SEMA5A: variants seen among roughly 807,000 people sequenced by gnomAD.
SEMA5A encodes semaphorin-5A.
In SEMA5A, 55 loss-of-function variants were observed where a neutral mutation model predicts 135.5. The ratio of observed to expected loss-of-function variants is 0.41; its 90% CI spans 0.33 to 0.51. The LOEUF (loss-of-function observed/expected upper bound fraction) is 0.51. Ranked by LOEUF, SEMA5A falls within the 20% of genes least tolerant of loss-of-function variation. The pLI, the probability that SEMA5A is intolerant of heterozygous loss-of-function variation, is 0.37. For missense variants in SEMA5A, 1,290 were observed against 1,419.9 expected (o/e 0.91, Z 1.47); for synonymous variants, 580 against 546.5 (o/e 1.06, Z -0.85).
intron 2 of SEMA5A, among the ~76,000 whole-genome samples, chr5:9,385,845 A>C (rs1460860990): frequency 7.7e-6 from 1 of 129,996 alleles, no homozygotes; most frequent in East Asian, 2.2e-4. Context: ...TCTGTTGCCC[A>C]AGCTGGAGTG....
At chr5:9,255,432 C>T (rs950299789) in intron 5 of SEMA5A, among the ~76,000 whole-genome samples, 1 of 152,180 alleles carries the variant, frequency 6.6e-6, no homozygotes, top group Admixed American at 6.5e-5. Context: ...ACAATGTGCC[C>T]TAACACAAAG....
In SEMA5A at chr5:9,066,475, T is replaced by G. The variant is rs141601855; in HGVS notation, c.2245A>C (p.Arg749=). ...CTAGAACAGTACCGCATTTCGATTC[T>G]CTGTCTTCCCACTTCCAGCAAATTC... ...DPNLLEVGRQ[R]IEMRYCSSDG... is the part of the protein sequence containing the mutation. Residue 749 remains arginine (R), a synonymous_variant, in exon 17 of 23, where the codon AGA becomes CGA. Coordinates refer to ENST00000382496, the MANE Select transcript of SEMA5A (RefSeq NM_003966.3). 199 of 1,614,092 alleles carry G rather than the reference T, an allele frequency of 1.2e-4. No individual in the cohort carries two copies. The highest frequency in any genetic ancestry group is 2.9e-5 in the Non-Finnish European group (34 of 1,180,042).
intron 5 of SEMA5A, among the ~76,000 whole-genome samples, chr5:9,288,886 AG>A (rs1277808965): frequency 1.3e-5 from 2 of 152,238 alleles, no homozygotes; most frequent in African/African-American, 4.8e-5. Context: ...CACAAAAAAA[AG>A]GAAAGCATTT....
rs1312950378 is a variant in SEMA5A, at chr5:9,257,646, T to C, written c.271-19756A>G. ...CCTGACAGATGAGGTCAGTGAATAATGTTTAAAATAGATGACGTCCCCTTA... is the reference window on the plus strand; with the variant it reads ...CCTGACAGATGAGGTCAGTGAATAACGTTTAAAATAGATGACGTCCCCTTA... On this transcript the variant is annotated intron_variant, in intron 5 of 22. Transcript: ENST00000382496. Among the ~76,000 whole-genome samples the C allele has an allele frequency of 2.6e-5, 4 of 152,136 alleles. No individual in the cohort carries two copies. In the East Asian group the frequency reaches 5.8e-4, roughly 22 times the overall value.
intron 5 of SEMA5A, among the ~76,000 whole-genome samples, chr5:9,267,033 T>A (rs1749715607): frequency 6.6e-6 from 1 of 152,198 alleles, no homozygotes; most frequent in Non-Finnish European, 1.5e-5. Flanking sequence ...AGACGTGATA[T>A]ACCTTACAGA....
At chr5:9,110,350 G>A (rs1306555244) in intron 15 of SEMA5A, among the ~76,000 whole-genome samples, 1 of 152,204 alleles carries the variant, frequency 6.6e-6, no homozygotes, top group African/African-American at 2.4e-5. Flanking sequence ...TCATATTTCA[G>A]TATGGGGTCT....
At chr5:9,108,406 G>A (rs1249951345) in intron 15 of SEMA5A, 119 bp from the exon 16 acceptor site, 1 of 1,181,060 alleles carries the variant, frequency 8.5e-7, no homozygotes, top group Non-Finnish European at 1.2e-6. Context: ...GCGTGGAGGA[G>A]CTTTTTGTAT....
At chr5:9,265,287 A>C in intron 5 of SEMA5A, 2 of 363,872 alleles carry the variant, frequency 5.5e-6, no homozygotes, top group Non-Finnish European at 1.1e-5. Flanking sequence ...CTTGTGGATG[A>C]GGTGCTCTAG....
At chr5:9,213,136 T>G (rs1455232632) in intron 8 of SEMA5A, among the ~76,000 whole-genome samples, 2 of 152,184 alleles carry the variant, frequency 1.3e-5, no homozygotes, top group African/African-American at 4.8e-5. Context: ...GGACTCCACC[T>G]TTATGACCTA....
chr5:9,078,491 G>T (rs1316465941), intron 16 of SEMA5A, among the ~76,000 whole-genome samples: 1 of 151,510 alleles, frequency 6.6e-6, no homozygotes, highest in East Asian at 1.9e-4. Context: ...TTACAATAAT[G>T]CATGGGGACA....
At chr5:9,183,259 G>C (rs1313407237) in intron 11 of SEMA5A, among the ~76,000 whole-genome samples, 2 of 152,106 alleles carry the variant, frequency 1.3e-5, no homozygotes, top group African/African-American at 4.8e-5. Context: ...GCCTGCCCTT[G>C]GACAGCCGCC....
chr5:9,449,655 G>A (rs1579559937), intron 1 of SEMA5A, among the ~76,000 whole-genome samples: 1 of 151,740 alleles, frequency 6.6e-6, no homozygotes, highest in Non-Finnish European at 1.5e-5. Flanking sequence ...AATATTAACA[G>A]GGGCATATCC....
At chr5:9,404,724 G>C (rs1181908820) in intron 2 of SEMA5A, among the ~76,000 whole-genome samples, 1 of 152,162 alleles carries the variant, frequency 6.6e-6, no homozygotes, top group Admixed American at 6.5e-5. Flanking sequence ...TAAAAACTCT[G>C]ATTAGACTAA....
chr5:9,390,466 C>G (rs1160106530), intron 2 of SEMA5A, among the ~76,000 whole-genome samples: 2 of 152,142 alleles, frequency 1.3e-5, no homozygotes, highest in Non-Finnish European at 2.9e-5. Flanking sequence ...TTAAGAAATA[C>G]AAATACCTTA....
chr5:9,296,832 A>G (rs1751355784), intron 5 of SEMA5A, among the ~76,000 whole-genome samples: 1 of 151,756 alleles, frequency 6.6e-6, no homozygotes, highest in Non-Finnish European at 1.5e-5. Context: ...ACAGGCAGGA[A>G]AGGAGGGTAA....
chr5:9,381,607 G>A (rs1366890886), intron 2 of SEMA5A, among the ~76,000 whole-genome samples: 6 of 152,202 alleles, frequency 3.9e-5, no homozygotes, highest in Admixed American at 2.0e-4. Flanking sequence ...AGATGGCCAT[G>A]CTAGAGAGAA....
chr5:9,143,761 C>A (rs1560957819), intron 12 of SEMA5A, among the ~76,000 whole-genome samples: 1 of 152,174 alleles, frequency 6.6e-6, no homozygotes, highest in East Asian at 1.9e-4. Flanking sequence ...GATGCAGAGA[C>A]CCCGTTCCAC....
At chr5:9,379,181 C>T (rs1210348568) in intron 3 of SEMA5A, among the ~76,000 whole-genome samples, 1 of 152,108 alleles carries the variant, frequency 6.6e-6, no homozygotes, top group Non-Finnish European at 1.5e-5. Context: ...TACTGAAATA[C>T]AATGTCTCAT....
At chr5:9,464,537 T>G (rs560631946) in intron 1 of SEMA5A, among the ~76,000 whole-genome samples, 1 of 152,210 alleles carries the variant, frequency 6.6e-6, no homozygotes, top group Non-Finnish European at 1.5e-5. Flanking sequence ...TATTTTTAAG[T>G]CACATTCAAT....
Sources: gnomAD v4.1 joint callset for allele counts (sites outside exome capture counted in the v4.1 genomes callset) on GRCh38, gnomAD v4.1.1 for gene constraint, MANE v1.5 for transcripts, NCBI Gene and HGNC (gene_info 2026-07-23, HGNC 2026-07-21) for gene names.